The following APEH variants were observed in gnomAD, a reference collection of about 807,000 sequenced individuals.
APEH encodes acylamino-acid-releasing enzyme.
A neutral mutation model predicts 102.7 loss-of-function variants in APEH; 75 were observed. The ratio of observed to expected loss-of-function variants is 0.73; its 90% CI spans 0.61 to 0.89. The LOEUF (loss-of-function observed/expected upper bound fraction) is 0.89, where lower values mean the gene tolerates loss of function less well. Ranked by LOEUF, APEH falls within the 40% of genes least tolerant of loss-of-function variation. The probability of loss-of-function intolerance (pLI) is 0.00; values close to 1 mark genes in which losing one functional copy is unlikely to be tolerated. For missense variants in APEH, 863 were observed against 941.2 expected (o/e 0.92, Z 1.09); for synonymous variants, 344 against 362.7 (o/e 0.95, Z 0.59).
In APEH at chr3:49,680,073, T is replaced by C. The variant is rs963429428; in HGVS notation, c.1210+429T>C. ...TTGACTCCCCCGTCTTCCCCATACT[T>C]AGGCCTGGTGATTCTGCCTTTGAAA... On this transcript the variant is annotated intron_variant, in intron 13 of 21. Coordinates refer to ENST00000296456, the MANE Select transcript of APEH (RefSeq NM_001640.4). 6.6e-5 allele frequency: 16 copies of C among 241,122 alleles called. No homozygotes were observed. The East Asian group carries it at 1.7e-3, about 25-fold the overall frequency. 14.9% of individuals were successfully genotyped at this position (241,122 alleles called of 1,614,324 possible).
In APEH at chr3:49,677,781, G is replaced by T. The variant is rs79256757; in HGVS notation, c.1060+148G>T. ...GCCAGCCTTATGCCCAGCATCCTCA[G>T]GGAGCGGGGCTGTCACCATAGGGAG... On this transcript the variant is annotated intron_variant, in intron 11 of 21. Transcript: ENST00000296456. 4 of 791,594 alleles carry T rather than the reference G, an allele frequency of 5.1e-6. No individual in the cohort carries two copies. The Admixed American group carries it at 7.6e-5, about 15-fold the overall frequency. The allele number at this position is 791,594 out of a possible 1,614,324, so 49.0% of individuals were successfully genotyped here.
rs2053347384 is a variant in APEH, at chr3:49,682,042, C to T, written c.1603+75C>T. On this transcript the variant is annotated intron_variant, in intron 17 of 21. Transcript: ENST00000296456. ...GGGGTGGACCTGGTTTGTATAAGTA[C>T]CATGGGTGCCACTCTAGTCTCCAGG... The T allele has an allele frequency of 2.1e-6, 3 of 1,463,354 alleles. No homozygotes were observed. In the East Asian group the frequency reaches 6.8e-5, roughly 33 times the overall value. The allele number at this position is 1,463,354 out of a possible 1,614,324, so 90.6% of individuals were successfully genotyped here. A position where few individuals can be genotyped will look rare whatever the true frequency, so the allele number is the denominator to read the frequency against.
At chr3:49,674,240 C>A, upstream of APEH, 1 of 918,850 alleles carries the variant, frequency 1.1e-6, no homozygotes, top group Non-Finnish European at 1.6e-6. Flanking sequence ...CAAGGCCCGC[C>A]CCCTGCCAAC....
upstream of APEH, chr3:49,674,301 C>T (rs1389795966): frequency 4.2e-6 from 6 of 1,422,328 alleles, no homozygotes; most frequent in South Asian, 1.3e-5. Flanking sequence ...TGCCGCAGGG[C>T]AGGGGCGGAG....
intron 13 of APEH, 37 bp from the exon 14 acceptor site, chr3:49,680,504 C>T: frequency 1.3e-6 from 2 of 1,566,410 alleles, no homozygotes; most frequent in Non-Finnish European, 8.8e-7. Context: ...AAGGTGATGG[C>T]TCCTGCTAAG....
chr3:49,673,360 G>A (rs1433505442), upstream of APEH, among the ~76,000 whole-genome samples: 1 of 151,950 alleles, frequency 6.6e-6, no homozygotes, highest in Non-Finnish European at 1.5e-5. Flanking sequence ...TGCCTGCCTA[G>A]GTTTTTTCCA....
intron 17 of APEH, 52 bp from the exon 18 acceptor site, chr3:49,682,296 G>C (rs9822268): frequency 6.6e-7 from 1 of 1,515,496 alleles, no homozygotes; most frequent in Non-Finnish European, 9.1e-7. Context: ...AGAGCGTCGA[G>C]GGGGCTGGGA....
At chr3:49,682,213 A>G in intron 17 of APEH, 135 bp from the exon 18 acceptor site, 2 of 992,370 alleles carry the variant, frequency 2.0e-6, no homozygotes, top group Non-Finnish European at 3.0e-6. Context: ...CAAATCTCTG[A>G]GTCCCTTCCC....
Position 49,679,847 on chromosome 3 carries a change from T to C in APEH, c.1210+203T>C, listed in dbSNP as rs2053238452. 5.4e-6 allele frequency: 3 copies of C among 555,872 alleles called. No homozygotes were observed. The highest frequency in any genetic ancestry group is 9.9e-6 in the Non-Finnish European group (3 of 304,122). 34.4% of individuals were successfully genotyped at this position (555,872 alleles called of 1,614,324 possible). ...TACCCAACCAACAGACTAGCTTCCC[T>C]GCTCTACTGCCCTTTAGCACTCAAC... On this transcript the variant is annotated intron_variant, in intron 13 of 21. Transcript: ENST00000296456. The surrounding 1 kb of genome is among the most constrained non-coding windows in gnomAD (Gnocchi z 4.3).
chr3:49,680,685 C>A, intron 14 of APEH, 56 bp downstream of exon 14: 1 of 1,507,826 alleles, frequency 6.6e-7, no homozygotes, highest in South Asian at 1.1e-5. Flanking sequence ...AGGCAGAGCT[C>A]ACCAGGTCAG....
At chr3:49,682,208 C>A in intron 17 of APEH, 140 bp from the exon 18 acceptor site, 2 of 970,470 alleles carry the variant, frequency 2.1e-6, no homozygotes, top group Non-Finnish European at 3.1e-6. Flanking sequence ...AGCCTCAAAT[C>A]TCTGAGTCCC....
At position 49,683,348 on chromosome 3, in the gene APEH, T is replaced by C. The variant is rs1274783006; in HGVS notation, c.*6T>C. 1.2e-6 allele frequency: 2 copies of C among 1,604,824 alleles called. No homozygotes were observed. The highest frequency in any genetic ancestry group is 4.5e-5 in the East Asian group (2 of 44,856). ...GCACACACTTGGGCAGCTGAAGCCC[T>C]GCCATTCTGCATGAGCTGATCAGCC... On this transcript the variant is annotated 3_prime_UTR_variant, in exon 22 of 22. Coordinates refer to ENST00000296456, the MANE Select transcript of APEH (RefSeq NM_001640.4).
At chr3:49,676,356 A>G (rs773373106) in intron 6 of APEH, 22 bp from the exon 7 acceptor site, 11 of 1,614,074 alleles carry the variant, frequency 6.8e-6, no homozygotes. Context: ...CAGGCTGGGC[A>G]TTGAGTATCT....
Position 49,679,697 on chromosome 3 carries a change from C to A in APEH, c.1210+53C>A. 6.4e-7 allele frequency: 1 copy of A among 1,568,066 alleles called. No individual in the cohort carries two copies. The highest frequency in any genetic ancestry group is 8.8e-7 in the Non-Finnish European group (1 of 1,139,340). On this transcript the variant is annotated intron_variant, in intron 13 of 21. Coordinates refer to ENST00000296456, the MANE Select transcript of APEH (RefSeq NM_001640.4). This position sits in a 1 kb window ranked among gnomAD's most constrained non-coding sequence, Gnocchi z 4.3. ...AGGGCAGGGCTGGTGAGCAAGCCAACCAGGCAGCGGGGGACTGGAGCTCCA... is the reference window on the plus strand; with the variant it reads ...AGGGCAGGGCTGGTGAGCAAGCCAAACAGGCAGCGGGGGACTGGAGCTCCA...
At position 49,678,908 on chromosome 3, in the gene APEH, A is replaced by G; in HGVS notation, c.1117A>G (p.Ser373Gly). 1 of 1,613,958 alleles carries G rather than the reference A, an allele frequency of 6.2e-7. No individual in the cohort carries two copies. Among genetic ancestry groups the G allele is most frequent in the South Asian group, 1.1e-5 (1 of 91,090 alleles). Reference sequence around the variant, plus strand: ...GCCTTTGGGATGCTGGTCAGCTGACAGCCAGAGAGTGGTCTTTGACTCGGC... The same window carrying G: ...GCCTTTGGGATGCTGGTCAGCTGACGGCCAGAGAGTGGTCTTTGACTCGGC... ...LLPLGCWSAD[S>G]QRVVFDSAQR... Residue 373 changes from serine to glycine, a missense_variant, in exon 12 of 22, where the codon AGC becomes GGC. Transcript: ENST00000296456.
rs1464609462 is a variant in APEH at position 49,677,612 on chromosome 3, G to A, written c.1039G>A (p.Val347Ile). 14 of 1,613,804 alleles carry A rather than the reference G, an allele frequency of 8.7e-6. No homozygotes were observed. Among genetic ancestry groups the A allele is most frequent in the East Asian group, 4.5e-5 (2 of 44,882 alleles). The change falls in exon 11 of 22, where the codon GTT becomes ATT. Residue 347 changes from valine to isoleucine, a missense_variant. By Grantham distance (29) the Val-to-Ile change is conservative. Coordinates refer to ENST00000296456, the MANE Select transcript of APEH (RefSeq NM_001640.4). ...YTKVTSVVVD[V>I]VPRQLGENFS... ...CAAGGTTACCTCAGTGGTGGTAGAT[G>A]TTGTGCCTCGGCAGCTGGGAGGTAA...
intron 6 of APEH, 35 bp downstream of exon 6, chr3:49,676,254 C>T (rs2053045099): frequency 6.2e-7 from 1 of 1,611,852 alleles, no homozygotes; most frequent in Non-Finnish European, 8.5e-7. Context: ...CCCGGCAGGG[C>T]AGCCCTGGGG....
At chr3:49,681,671 G>A in intron 15 of APEH, 51 bp from the exon 16 acceptor site, 2 of 1,438,798 alleles carry the variant, frequency 1.4e-6, no homozygotes, top group East Asian at 4.7e-5. Context: ...TGGGGCCTTA[G>A]TTGGGGAAGC....
chr3:49,682,446 G>T lies in APEH; in HGVS notation c.1692+10G>T, dbSNP rs2053380826. 6.2e-7 allele frequency: 1 copy of T among 1,613,452 alleles called. No homozygotes were observed. ...TGTGAAGGATGTCCAGGTAGCAGGG[G>T]CTGGGGCTTCTGGACAGGCTGAAAC... On this transcript the variant is annotated intron_variant, in intron 18 of 21. Transcript: ENST00000296456.
Sources: gnomAD v4.1 joint callset for allele counts (sites outside exome capture counted in the v4.1 genomes callset) on GRCh38, gnomAD v4.1.1 for gene constraint, Gnocchi (gnomAD v3.1) non-coding constraint, MANE v1.5 for transcripts, NCBI Gene and HGNC (gene_info 2026-07-23, HGNC 2026-07-21) for gene names.